The following SCAF4 variants were observed in gnomAD, a reference collection of about 807,000 sequenced individuals.
The protein encoded by SCAF4 is SR-related and CTD-associated factor 4.
SCAF4 carries 25 observed loss-of-function variants against 129.8 expected under a neutral mutation model. The observed-to-expected ratio is 0.19, with a 90% CI of 0.14 to 0.27. The LOEUF (loss-of-function observed/expected upper bound fraction) is 0.27, where lower values mean the gene tolerates loss of function less well. Among genes scored for constraint, SCAF4 ranks in the 10% least tolerant of loss-of-function variants. SCAF4 has a pLI of 1.00. For synonymous variants in SCAF4, 551 were observed against 497.7 expected (o/e 1.11, Z -1.43); for missense variants, 1,246 against 1,457.1 (o/e 0.86, Z 2.36).
chr21:31,717,952 TA>T (rs1275080863), intron 1 of SCAF4, among the ~76,000 whole-genome samples: 2 of 146,040 alleles, frequency 1.4e-5, no homozygotes, highest in East Asian at 2.0e-4. Context: ...CACACATATA[TA>T]TTTTTTTGAG....
chr21:31,696,418 G>A, intron 8 of SCAF4, 151 bp downstream of exon 8: 1 of 870,242 alleles, frequency 1.1e-6, no homozygotes, highest in Non-Finnish European at 1.7e-6. Context: ...AATCTTAAGA[G>A]GATCCCTTCC....
chr21:31,712,223 T>TTC (rs916695042), intron 1 of SCAF4, among the ~76,000 whole-genome samples: 2 of 1,586 alleles, frequency 1.3e-3, no homozygotes, highest in Admixed American at 0.012. Flanking sequence ...TGTTTGTTGC[T>TTC]TTTTTTTTTT....
intron 1 of SCAF4, among the ~76,000 whole-genome samples, chr21:31,724,395 T>C (rs903820322): frequency 1.4e-4 from 21 of 152,208 alleles, no homozygotes; most frequent in African/African-American, 5.1e-4. Flanking sequence ...TTTTGAACTG[T>C]TAATAGGTAA....
rs891850404 is a variant in SCAF4, at chr21:31,724,438, G to C, written c.30+7225C>G. 2.6e-5 allele frequency among the ~76,000 whole-genome samples: 4 copies of C among 152,136 alleles called. 1 individual carries two copies. The South Asian group carries it at 8.3e-4, about 31-fold the overall frequency. On this transcript the variant is annotated intron_variant, in intron 1 of 19. Coordinates refer to ENST00000286835, the MANE Select transcript of SCAF4 (RefSeq NM_020706.2). ...ATTCTGCTATATACCTGACAACACAGTGTAGTTTTCAGCTTATCATGAAAG... is the reference window on the plus strand; with the variant it reads ...ATTCTGCTATATACCTGACAACACACTGTAGTTTTCAGCTTATCATGAAAG...
Position 31,696,684 on chromosome 21 carries a change from T to G in SCAF4, c.844A>C (p.Thr282Pro). Residue 282 changes from threonine to proline, a missense_variant, in exon 8 of 20, where the codon ACC becomes CCC. Thr to Pro is a conservative substitution (Grantham distance 38). Coordinates refer to ENST00000286835, the MANE Select transcript of SCAF4 (RefSeq NM_020706.2). The part of the protein sequence containing the change: ...EAVEESKKED[T>P]TAVTTTAPAA... Reference sequence around the variant, plus strand: ...GGTGCTGTCGTGGTGACGGCAGTGGTATCCTCTTTCTTTGATTCTTCCACA... The same window carrying G: ...GGTGCTGTCGTGGTGACGGCAGTGGGATCCTCTTTCTTTGATTCTTCCACA... The G allele has an allele frequency of 2.3e-5, 37 of 1,613,850 alleles. No individual in the cohort carries two copies. The highest frequency in any genetic ancestry group is 3.1e-5 in the Non-Finnish European group (37 of 1,179,762).
At chr21:31,713,585 G>C (rs1395242925) in intron 1 of SCAF4, among the ~76,000 whole-genome samples, 1 of 152,270 alleles carries the variant, frequency 6.6e-6, no homozygotes, top group East Asian at 1.9e-4. Context: ...AATTCCTACT[G>C]TGTGTACTGT....
intron 1 of SCAF4, among the ~76,000 whole-genome samples, chr21:31,723,629 T>TGTGTGTGTGTGTGTGCGCGCGC (rs1271033175): frequency 1.3e-5 from 2 of 149,000 alleles, no homozygotes; most frequent in African/African-American, 4.9e-5. Context: ...TGTGTGTGTG[T>TGTGTGTGTGTGTGTGCGCGCGC]GCGCGCGCGC....
intron 6 of SCAF4, 55 bp downstream of exon 6, chr21:31,701,721 A>AGTGACT: frequency 6.6e-7 from 1 of 1,520,060 alleles, no homozygotes. Context: ...GAAAACAAGA[A>AGTGACT]GTGACAACAG....
At chr21:31,688,114 CAAAA>C (rs61592268) in intron 16 of SCAF4, among the ~76,000 whole-genome samples, 189 bp downstream of exon 16, 13 of 10,898 alleles carry the variant, frequency 1.2e-3, no homozygotes, top group East Asian at 7.4e-3. Flanking sequence ...GACTCTGTCT[CAAAA>C]AAAAAAAAAA....
Position 31,701,808 on chromosome 21 carries a change from C to G in SCAF4, c.568G>C (p.Ala190Pro). Residue 190 changes from alanine (A) to proline (P), a missense_variant, in exon 6 of 20, where the codon GCT becomes CCT. Coordinates refer to ENST00000286835, the MANE Select transcript of SCAF4 (RefSeq NM_020706.2). ...LPSSDAFAAV[A>P]QLFQTTQGQQ... The stretch of plus-strand genomic sequence containing the variant: ...CCTTGAGTTGTCTGAAACAGCTGAG[C>G]CACAGCAGCAAAAGCATCAGAGCTG... 6.2e-7 allele frequency: 1 copy of G among 1,613,278 alleles called. No individual in the cohort carries two copies. The highest frequency in any genetic ancestry group is 8.5e-7 in the Non-Finnish European group (1 of 1,179,790).
chr21:31,671,386 C>A lies in SCAF4; in HGVS notation c.*13G>T. 6.2e-7 allele frequency: 1 copy of A among 1,608,562 alleles called. No individual in the cohort carries two copies. The highest frequency in any genetic ancestry group is 1.1e-5 in the South Asian group (1 of 90,670). ...AGGAAGTGTCACTGTCACATTTTCA[C>A]AAATTCCAGTCTCTAACGAGGAGCC... On this transcript the variant is annotated 3_prime_UTR_variant, in exon 20 of 20. Transcript: ENST00000286835.
At chr21:31,693,530 A>C in intron 11 of SCAF4, 46 bp from the exon 12 acceptor site, 3 of 1,270,706 alleles carry the variant, frequency 2.4e-6, no homozygotes, top group Non-Finnish European at 3.1e-6. Flanking sequence ...ATAGACAAAA[A>C]CCAGAAAATA....
rs547374551 is a variant in SCAF4, at chr21:31,721,970, T to C, written c.30+9693A>G. 1.1e-3 allele frequency among the ~76,000 whole-genome samples: 172 copies of C among 152,164 alleles called. 1 individual carries two copies. The highest frequency in any genetic ancestry group is 6.2e-4 in the South Asian group (3 of 4,818). ...TCTGACCTCAGATGATCCACCCACT[T>C]TGACCTCCCAAAGTGCTGGGATTAC... On this transcript the variant is annotated intron_variant, in intron 1 of 19. Coordinates refer to ENST00000286835, the MANE Select transcript of SCAF4 (RefSeq NM_020706.2).
At chr21:31,722,812 G>A (rs2051102423) in intron 1 of SCAF4, among the ~76,000 whole-genome samples, 1 of 152,116 alleles carries the variant, frequency 6.6e-6, no homozygotes, top group Non-Finnish European at 1.5e-5. Context: ...AATTAGCCGG[G>A]TGTGGTGGCA....
intron 1 of SCAF4, 40 bp downstream of exon 1, chr21:31,731,623 G>T: frequency 6.3e-7 from 1 of 1,582,958 alleles, no homozygotes. Context: ...CCCGGCTCCC[G>T]CAGCAGGCCC....
At chr21:31,722,422 C>T (rs1568866096) in intron 1 of SCAF4, among the ~76,000 whole-genome samples, 1 of 151,982 alleles carries the variant, frequency 6.6e-6, no homozygotes, top group African/African-American at 2.4e-5. Flanking sequence ...TTTTTTCTGG[C>T]ATAAATATTT....
In SCAF4 at chr21:31,708,277, G is replaced by A. The variant is rs548417157; in HGVS notation, c.31-1920C>T. On this transcript the variant is annotated intron_variant, in intron 1 of 19. Coordinates refer to ENST00000286835, the MANE Select transcript of SCAF4 (RefSeq NM_020706.2). ...TGTAGTCCCAGCTACTTGGGAGGCT[G>A]AGGCAGGAGAATCGCTTGAACCCAG... Among the ~76,000 whole-genome samples, 7 of 151,954 alleles carry A rather than the reference G, an allele frequency of 4.6e-5. No homozygotes were observed. The South Asian group carries it at 1.0e-3, about 23-fold the overall frequency.
At chr21:31,680,843 T>C (rs2049978709) in intron 19 of SCAF4, among the ~76,000 whole-genome samples, 1 of 152,210 alleles carries the variant, frequency 6.6e-6, no homozygotes, top group Non-Finnish European at 1.5e-5. Context: ...TTAAGTGAAA[T>C]CATCAAAATC....
intron 1 of SCAF4, among the ~76,000 whole-genome samples, chr21:31,731,284 G>A (rs2123710730): frequency 6.6e-6 from 1 of 152,326 alleles, no homozygotes; most frequent in East Asian, 1.9e-4. Context: ...TTCTTTCTTA[G>A]CCCTTTGCGG....
Sources: allele counts gnomAD v4.1 joint callset (sites outside exome capture counted in the v4.1 genomes callset), GRCh38; gene constraint gnomAD v4.1.1; transcripts MANE v1.5; gene names NCBI Gene and HGNC (gene_info 2026-07-23, HGNC 2026-07-21).